LHFPL3: variants seen among roughly 807,000 people sequenced by gnomAD.
LHFPL3 encodes LHFPL tetraspan subfamily member 3, also known as LHFPL tetraspan subfamily member 3 protein.
A neutral mutation model predicts 19.3 loss-of-function variants in LHFPL3; 5 were observed. The ratio of observed to expected loss-of-function variants is 0.26; its 90% CI spans 0.14 to 0.54. The LOEUF is 0.54. LHFPL3 is among the 20% of genes least tolerant of loss of function. The pLI is 0.94. For synonymous variants in LHFPL3, 133 were observed against 126.2 expected, an observed-to-expected ratio of 1.05 and a Z score of -0.36; for missense variants, 249 against 307.4, an observed-to-expected ratio of 0.81 and a Z score of 1.42.
chr7:104,427,823 G>A (rs1161811655), intron 1 of LHFPL3, among the ~76,000 whole-genome samples: 1 of 152,224 alleles, frequency 6.6e-6, no homozygotes, highest in Non-Finnish European at 1.5e-5. Context: ...TCATGGACAA[G>A]TAGCTTAAAT....
intron 1 of LHFPL3, among the ~76,000 whole-genome samples, chr7:104,643,936 A>G (rs1339081859): frequency 6.6e-6 from 1 of 152,174 alleles, no homozygotes; most frequent in East Asian, 1.9e-4. Flanking sequence ...ACCCTGAGAA[A>G]TCTATTGGTG....
intron 1 of LHFPL3, among the ~76,000 whole-genome samples, chr7:104,354,735 T>C (rs1584609759): frequency 6.6e-6 from 1 of 152,196 alleles, no homozygotes; most frequent in African/African-American, 2.4e-5. Flanking sequence ...ACCATCTCTC[T>C]AGACTAGCAT....
chr7:104,390,954 A>G (rs1791053542), intron 1 of LHFPL3, among the ~76,000 whole-genome samples: 1 of 152,028 alleles, frequency 6.6e-6, no homozygotes, highest in Non-Finnish European at 1.5e-5. Context: ...GCATTTTTTT[A>G]TGTGTCTGTT....
At chr7:104,585,018 A>T (rs1790537537) in intron 1 of LHFPL3, among the ~76,000 whole-genome samples, 1 of 152,136 alleles carries the variant, frequency 6.6e-6, no homozygotes, top group Non-Finnish European at 1.5e-5. Flanking sequence ...ATTCTATTAC[A>T]CTGCAGTCCT....
In LHFPL3 at chr7:104,503,231, A is replaced by G. The variant is rs560692192; in HGVS notation, c.445+174007A>G. On this transcript the variant is annotated intron_variant, in intron 1 of 2. Transcript: ENST00000424859. ...AAGATGTTCACATATAATTTTAAGT[A>G]TAAAGCAGGTTAAAAAGCAGAATGA... Among the ~76,000 whole-genome samples, 4 of 152,314 alleles carry G rather than the reference A, an allele frequency of 2.6e-5. No individual in the cohort carries two copies. In the East Asian group the frequency reaches 7.7e-4, roughly 29 times the overall value.
intron 1 of LHFPL3, among the ~76,000 whole-genome samples, chr7:104,698,641 T>C (rs979665481): frequency 2.6e-5 from 4 of 152,218 alleles, no homozygotes; most frequent in Non-Finnish European, 4.4e-5. Flanking sequence ...GTATTCATAA[T>C]TGGCAAAACT....
At chr7:104,587,588 A>C (rs1280196457) in intron 1 of LHFPL3, among the ~76,000 whole-genome samples, 1 of 152,170 alleles carries the variant, frequency 6.6e-6, no homozygotes, top group Non-Finnish European at 1.5e-5. Flanking sequence ...ATACATGTTC[A>C]TGTGTCTTTA....
intron 1 of LHFPL3, among the ~76,000 whole-genome samples, chr7:104,363,583 G>C (rs1391481066): frequency 6.6e-6 from 1 of 152,236 alleles, no homozygotes; most frequent in Non-Finnish European, 1.5e-5. Context: ...TCTAGGCTGA[G>C]ACAGGTGAGG....
intron 1 of LHFPL3, among the ~76,000 whole-genome samples, chr7:104,510,647 C>T (rs1039936992): frequency 2.6e-5 from 4 of 151,514 alleles, no homozygotes; most frequent in South Asian, 2.1e-4. Context: ...CTAGACTTGA[C>T]ATAAAAAACA....
chr7:104,695,204 T>C (rs1433775834), intron 1 of LHFPL3, among the ~76,000 whole-genome samples: 1 of 152,196 alleles, frequency 6.6e-6, no homozygotes, highest in Non-Finnish European at 1.5e-5. Flanking sequence ...AGCCTCAAAC[T>C]CCTGGCCTCA....
At chr7:104,852,489 G>A (rs1480313689) in intron 2 of LHFPL3, among the ~76,000 whole-genome samples, 1 of 152,216 alleles carries the variant, frequency 6.6e-6, no homozygotes, top group Non-Finnish European at 1.5e-5. Flanking sequence ...AGCTGTCCTG[G>A]TTGGTTAGGA....
chr7:104,736,789 G>T lies in LHFPL3; in HGVS notation c.560G>T (p.Arg187Leu), dbSNP rs765010938. 1.9e-6 allele frequency: 3 copies of T among 1,613,334 alleles called. No individual in the cohort carries two copies. The highest frequency in any genetic ancestry group is 2.5e-6 in the Non-Finnish European group (3 of 1,179,644). Reference protein sequence around the residue: ...DKYTLGACSVRWAYILAIIGI... With the variant: ...DKYTLGACSVLWAYILAIIGI... ...TACACTCTTGGGGCTTGCTCAGTCCGCTGGGCATACATCCTGGCTATTATT... is the reference window on the plus strand; with the variant it reads ...TACACTCTTGGGGCTTGCTCAGTCCTCTGGGCATACATCCTGGCTATTATT... The change falls in exon 2 of 3, where the codon CGC becomes CTC. Residue 187 changes from arginine (R) to leucine (L), a missense_variant. Coordinates refer to ENST00000424859, the MANE Select transcript of LHFPL3 (RefSeq NM_199000.3).
chr7:104,450,840 GCT>G (rs1207692713), intron 1 of LHFPL3, among the ~76,000 whole-genome samples: 4 of 152,198 alleles, frequency 2.6e-5, no homozygotes, highest in African/African-American at 9.6e-5. Flanking sequence ...GGCAGCTTGT[GCT>G]CTGTGTTTGC....
chr7:104,434,440 C>G (rs1792062066), intron 1 of LHFPL3, among the ~76,000 whole-genome samples: 1 of 152,162 alleles, frequency 6.6e-6, no homozygotes, highest in African/African-American at 2.4e-5. Flanking sequence ...ATCGCTTACA[C>G]CTTTGAAGGG....
At chr7:104,653,554 CT>C (rs1441221144) in intron 1 of LHFPL3, among the ~76,000 whole-genome samples, 1 of 152,134 alleles carries the variant, frequency 6.6e-6, no homozygotes, top group East Asian at 1.9e-4. Context: ...TCTTCTTGTT[CT>C]TTTAACCCCA....
intron 1 of LHFPL3, among the ~76,000 whole-genome samples, chr7:104,611,681 GA>G (rs1304530663): frequency 6.6e-6 from 1 of 151,016 alleles, no homozygotes; most frequent in East Asian, 1.9e-4. Flanking sequence ...CTATATAGAA[GA>G]AAAAAAGAAA....
At chr7:104,685,119 C>T (rs1427954027) in intron 1 of LHFPL3, among the ~76,000 whole-genome samples, 2 of 152,026 alleles carry the variant, frequency 1.3e-5, no homozygotes, top group African/African-American at 4.8e-5. Flanking sequence ...GAGGCCGAGG[C>T]GGGTGAATCA....
chr7:104,481,324 C>T (rs73405801), intron 1 of LHFPL3, among the ~76,000 whole-genome samples: 5,001 of 152,244 alleles, frequency 0.033, 194 homozygotes, highest in African/African-American at 0.091. Context: ...CTTCAAGTCA[C>T]TTCCTACTTT....
chr7:104,547,310 A>T (rs112838072), intron 1 of LHFPL3, among the ~76,000 whole-genome samples: 2 of 150,856 alleles, frequency 1.3e-5, no homozygotes, highest in African/African-American at 4.8e-5. Flanking sequence ...ACAATAATTA[A>T]TCATCCTACT....
Sources: gnomAD v4.1 joint callset for allele counts (sites outside exome capture counted in the v4.1 genomes callset) on GRCh38, gnomAD v4.1.1 for gene constraint, MANE v1.5 for transcripts, NCBI Gene and HGNC (gene_info 2026-07-23, HGNC 2026-07-21) for gene names.